Variants in MAP2K2 observed in about 807,000 individuals in gnomAD.
MAP2K2 encodes the protein mitogen-activated protein kinase kinase 2, also known as dual specificity mitogen-activated protein kinase kinase 2.
A neutral mutation model predicts 43.7 loss-of-function variants in MAP2K2; 24 were observed. The ratio of observed to expected loss-of-function variants is 0.55; its 90% CI spans 0.40 to 0.77. The LOEUF is 0.77. Ranked by LOEUF, MAP2K2 falls within the 30% of genes least tolerant of loss-of-function variation. The pLI, the probability that MAP2K2 is intolerant of heterozygous loss-of-function variation, is 0.00. For synonymous variants in MAP2K2, 244 were observed against 239.7 expected, an observed-to-expected ratio of 1.02 and a Z score of -0.17; for missense variants, 470 against 566.8, an observed-to-expected ratio of 0.83 and a Z score of 1.73.
intron 7 of MAP2K2, among the ~76,000 whole-genome samples, 189 bp downstream of exon 7, chr19:4,099,012 T>A (rs2040960609): frequency 6.6e-6 from 1 of 152,150 alleles, no homozygotes; most frequent in African/African-American, 2.4e-5. Context: ...AGGTTTGGGG[T>A]GCTCACTGCT....
In MAP2K2 at chr19:4,101,026, T is replaced by C. The variant is rs1460428317; in HGVS notation, c.698A>G (p.Tyr233Cys). 6.4e-7 allele frequency: 1 copy of C among 1,559,314 alleles called. No individual in the cohort carries two copies. Among genetic ancestry groups the C allele is most frequent in the Admixed American group, 1.9e-5 (1 of 51,788 alleles). The change falls in exon 6 of 11, where the codon TAC (tyrosine) becomes TGC (cysteine). Residue 233 changes from tyrosine (Y) to cysteine (C), a missense_variant. By Grantham distance (194) the Tyr-to-Cys change is radical. Coordinates refer to ENST00000262948, the MANE Select transcript of MAP2K2 (RefSeq NM_030662.4). This position sits in a 1 kb window ranked among gnomAD's most constrained non-coding sequence, Gnocchi z 6.3. ...MANSFVGTRS[Y>C]MAPERLQGTH... ...GAGCCAGCGGGGACTCACAGCCATG[T>C]AGGAGCGCGTGCCCACGAAGGAGTT...
chr19:4,115,945 C>T lies in MAP2K2; in HGVS notation c.303+1474G>A, dbSNP rs1475647131. Among the ~76,000 whole-genome samples, 3 of 152,192 alleles carry T rather than the reference C, an allele frequency of 2.0e-5. No individual in the cohort carries two copies. Among genetic ancestry groups the T allele is most frequent in the Non-Finnish European group, 4.4e-5 (3 of 68,032 alleles). On this transcript the variant is annotated intron_variant, in intron 2 of 10. Coordinates refer to ENST00000262948, the MANE Select transcript of MAP2K2 (RefSeq NM_030662.4). This position sits in a 1 kb window ranked among gnomAD's most constrained non-coding sequence, Gnocchi z 4.1. Reference sequence around the variant, plus strand: ...TCACATCCTCCCTGTATCCCCTGGGCACTATTCTCAAACACAGAGCACAGA... The same window carrying T: ...TCACATCCTCCCTGTATCCCCTGGGTACTATTCTCAAACACAGAGCACAGA...
At chr19:4,105,070 C>CA (rs1224959491) in intron 3 of MAP2K2, among the ~76,000 whole-genome samples, 5 of 152,010 alleles carry the variant, frequency 3.3e-5, no homozygotes, top group Non-Finnish European at 7.3e-5. Flanking sequence ...GTCTGAGTCA[C>CA]AGAGACAGGA....
intron 10 of MAP2K2, 76 bp from the exon 11 acceptor site, chr19:4,090,784 C>G (rs1568247808): frequency 1.0e-6 from 1 of 974,460 alleles, no homozygotes; most frequent in Non-Finnish European, 1.6e-6. Context: ...TCTGCCCAGC[C>G]CTGGCAGATG....
chr19:4,091,901 G>A (rs372316593), intron 10 of MAP2K2, among the ~76,000 whole-genome samples: 4 of 152,150 alleles, frequency 2.6e-5, no homozygotes, highest in East Asian at 1.9e-4. Context: ...CGCTCACCTC[G>A]GCCTCCCAAA....
intron 3 of MAP2K2, among the ~76,000 whole-genome samples, chr19:4,110,070 G>A (rs59633256): frequency 2.6e-4 from 40 of 152,230 alleles, no homozygotes; most frequent in Admixed American, 5.2e-4. Flanking sequence ...TTGGGAAGTC[G>A]AGGCAGGTGG....
At chr19:4,107,523 CAAAAAA>C (rs71166959) in intron 3 of MAP2K2, among the ~76,000 whole-genome samples, 1 of 59,320 alleles carries the variant, frequency 1.7e-5, no homozygotes, top group African/African-American at 7.8e-5. Context: ...GACTCCGTCT[CAAAAAA>C]AAAAAAAAAA....
intron 2 of MAP2K2, among the ~76,000 whole-genome samples, chr19:4,112,410 GT>G: frequency 6.6e-6 from 1 of 152,364 alleles, no homozygotes; most frequent in Admixed American, 6.5e-5. Context: ...GGGGGAGGGT[GT>G]TCCAGGCAGA....
At chr19:4,100,864 GGGGAGAGCTGCGCAGGAGAACTGGGA>G (rs1429206654) in intron 6 of MAP2K2, 129 bp downstream of exon 6, 8 of 858,282 alleles carry the variant, frequency 9.3e-6, no homozygotes, top group Non-Finnish European at 1.1e-5. Flanking sequence ...CGTGGGAGGC[GGGGAGAGCTGCGCAGGAGAACTGGGA>G]GGGACAGCTG....
At chr19:4,110,338 A>G (rs1204454660) in intron 3 of MAP2K2, among the ~76,000 whole-genome samples, 171 bp downstream of exon 3, 1 of 152,002 alleles carries the variant, frequency 6.6e-6, no homozygotes, top group Non-Finnish European at 1.5e-5. Context: ...AACAAAACCA[A>G]AGGCATCTAC....
intron 1 of MAP2K2, among the ~76,000 whole-genome samples, chr19:4,119,893 C>A (rs2041271224): frequency 6.6e-6 from 1 of 152,286 alleles, no homozygotes. Flanking sequence ...CAAAGTTCGA[C>A]CACTGTTCGC....
At chr19:4,095,257 G>C (rs2040900520) in intron 9 of MAP2K2, 131 bp downstream of exon 9, 1 of 757,678 alleles carries the variant, frequency 1.3e-6, no homozygotes, top group Non-Finnish European at 2.2e-6. Context: ...GCTTCCCGTT[G>C]GGCTGAGTCC....
intron 1 of MAP2K2, among the ~76,000 whole-genome samples, chr19:4,120,748 AC>A (rs2041282723): frequency 6.6e-6 from 1 of 152,238 alleles, no homozygotes; most frequent in Non-Finnish European, 1.5e-5. Flanking sequence ...ATTAAACAAA[AC>A]AAAACAAAAC....
rs999309867 is a variant in MAP2K2, at chr19:4,101,742, G to C, written c.529-462C>G. On this transcript the variant is annotated intron_variant, in intron 4 of 10. Coordinates refer to ENST00000262948, the MANE Select transcript of MAP2K2 (RefSeq NM_030662.4). This position sits in a 1 kb window ranked among gnomAD's most constrained non-coding sequence, Gnocchi z 6.3. The stretch of plus-strand genomic sequence containing the variant: ...AGGCCCGCCCTGGAAGCAGCATCCC[G>C]AGAAGTGAAGCAAGCAGCACAGGCA... Among the ~76,000 whole-genome samples the C allele has an allele frequency of 6.6e-6, 1 of 152,160 alleles. No homozygotes were observed. Among genetic ancestry groups the C allele is most frequent in the Non-Finnish European group, 1.5e-5 (1 of 68,016 alleles).
intron 2 of MAP2K2, among the ~76,000 whole-genome samples, chr19:4,113,451 C>T (rs1350920219): frequency 6.6e-6 from 1 of 152,078 alleles, no homozygotes; most frequent in Non-Finnish European, 1.5e-5. Context: ...CGTTCCTGAG[C>T]ACCTGCACCC....
chr19:4,111,265 G>A (rs2041150669), intron 2 of MAP2K2, among the ~76,000 whole-genome samples: 1 of 152,076 alleles, frequency 6.6e-6, no homozygotes. Context: ...CTTTCAAAGG[G>A]GACACTGTAA....
intron 10 of MAP2K2, 138 bp downstream of exon 10, chr19:4,094,315 C>T (rs1234547460): frequency 1.1e-6 from 1 of 902,884 alleles, no homozygotes; most frequent in African/African-American, 1.6e-5. Context: ...CTCGGCGTGG[C>T]CTGGCACACC....
chr19:4,100,024 C>T (rs540973402), intron 6 of MAP2K2: 9 of 156,320 alleles, frequency 5.8e-5, no homozygotes, highest in East Asian at 3.3e-4. Context: ...CCGAGGCGGG[C>T]GGATCACAAG....
chr19:4,123,676 C>T, intron 1 of MAP2K2, 108 bp downstream of exon 1: 1 of 763,672 alleles, frequency 1.3e-6, no homozygotes, highest in South Asian at 1.8e-5. Context: ...CCCCGTGACC[C>T]CCCTGCCTCG....
Sources: gnomAD v4.1 joint callset for allele counts (sites outside exome capture counted in the v4.1 genomes callset) on GRCh38, gnomAD v4.1.1 for gene constraint, Gnocchi (gnomAD v3.1) non-coding constraint, MANE v1.5 for transcripts, NCBI Gene and HGNC (gene_info 2026-07-23, HGNC 2026-07-21) for gene names.